Variants in ADAM7 observed in about 807,000 individuals in gnomAD.
The protein encoded by ADAM7 is disintegrin and metalloproteinase domain-containing protein 7.
In ADAM7, 97 loss-of-function variants were observed where a neutral mutation model predicts 102.9. The observed-to-expected ratio is 0.94, with a 90% CI of 0.80 to 1.12. The LOEUF (loss-of-function observed/expected upper bound fraction) is 1.12. Among genes scored for constraint, ADAM7 ranks in the 50% most tolerant of loss-of-function variants. The pLI is 0.00. For synonymous variants in ADAM7, 334 were observed against 304.4 expected (o/e 1.10, Z -1.01); for missense variants, 991 against 908.7 (o/e 1.09, Z -1.16).
intron 9 of ADAM7, 140 bp from the exon 10 acceptor site, chr8:24,485,132 TCAGCC>T (rs1820093790): frequency 1.4e-6 from 1 of 712,288 alleles, no homozygotes; most frequent in African/African-American, 1.8e-5. Flanking sequence ...TCAACTAAGG[TCAGCC>T]TCAATTCCAA....
At chr8:24,495,480 C>A (rs192542461) in intron 16 of ADAM7, among the ~76,000 whole-genome samples, 1 of 151,174 alleles carries the variant, frequency 6.6e-6, no homozygotes, top group South Asian at 2.1e-4. Flanking sequence ...AATTTTAGAA[C>A]GGAAAAATTA....
chr8:24,501,598 C>T, intron 20 of ADAM7, 22 bp downstream of exon 20: 1 of 1,534,490 alleles, frequency 6.5e-7, no homozygotes, highest in Non-Finnish European at 8.8e-7. Flanking sequence ...CCATTTGCAA[C>T]AGTTAATTTA....
At chr8:24,448,922 G>C (rs952199652) in intron 3 of ADAM7, among the ~76,000 whole-genome samples, 1 of 152,000 alleles carries the variant, frequency 6.6e-6, no homozygotes, top group Non-Finnish European at 1.5e-5. Context: ...TTGTTCTTGC[G>C]ATAGTTTACT....
chr8:24,472,572 T>G (rs745742805), intron 7 of ADAM7, among the ~76,000 whole-genome samples: 42 of 151,976 alleles, frequency 2.8e-4, no homozygotes, highest in Non-Finnish European at 4.9e-4. Flanking sequence ...TAAAAAATAG[T>G]AAAGTAAAAT....
chr8:24,447,937 A>AACACACACACACAC (rs55836403), intron 3 of ADAM7, among the ~76,000 whole-genome samples: 2 of 140,590 alleles, frequency 1.4e-5, no homozygotes, highest in Non-Finnish European at 3.1e-5. Flanking sequence ...TAAATAACAA[A>AACACACACACACAC]ACACACACAC....
At chr8:24,484,168 G>A (rs919606694) in intron 9 of ADAM7, among the ~76,000 whole-genome samples, 1 of 152,128 alleles carries the variant, frequency 6.6e-6, no homozygotes, top group Non-Finnish European at 1.5e-5. Flanking sequence ...AAAAAGACCA[G>A]AATTCTGTCT....
chr8:24,471,030 G>A (rs1003443321), intron 7 of ADAM7, among the ~76,000 whole-genome samples: 1 of 151,962 alleles, frequency 6.6e-6, no homozygotes, highest in African/African-American at 2.4e-5. Context: ...TGATGGTCCT[G>A]ATTTTGTGTA....
chr8:24,486,753 C>T (rs1207323817), intron 10 of ADAM7, among the ~76,000 whole-genome samples: 2 of 152,118 alleles, frequency 1.3e-5, no homozygotes, highest in African/African-American at 2.4e-5. Flanking sequence ...ATTAATCCCA[C>T]TTATGAGGGC....
intron 3 of ADAM7, among the ~76,000 whole-genome samples, chr8:24,454,834 ATACT>A (rs1026475978): frequency 2.6e-5 from 4 of 152,130 alleles, no homozygotes; most frequent in African/African-American, 9.7e-5. Flanking sequence ...ATAATAATAA[ATACT>A]TATTTTATAA....
At chr8:24,490,954 A>G (rs1371165988) in intron 13 of ADAM7, 66 bp downstream of exon 13, 20 of 1,521,234 alleles carry the variant, frequency 1.3e-5, no homozygotes, top group Non-Finnish European at 1.8e-5. Context: ...TCCAAGAGTT[A>G]TCTAACCACT....
intron 20 of ADAM7, among the ~76,000 whole-genome samples, chr8:24,504,073 A>T (rs961022592): frequency 6.6e-6 from 1 of 151,560 alleles, no homozygotes; most frequent in South Asian, 2.1e-4. Flanking sequence ...TAAATAAAAT[A>T]AAAAAACTGA....
chr8:24,501,420 A>G (rs1223328495), intron 19 of ADAM7, 57 bp from the exon 20 acceptor site: 19 of 1,294,172 alleles, frequency 1.5e-5, no homozygotes, highest in Non-Finnish European at 2.1e-5. Flanking sequence ...TGAAGAAATA[A>G]ATAACCTGAA....
At position 24,501,506 on chromosome 8, in the gene ADAM7, A is replaced by G. The variant is rs753405856; in HGVS notation, c.2138A>G (p.Asn713Ser). 6.2e-7 allele frequency: 1 copy of G among 1,608,548 alleles called. No homozygotes were observed. Among genetic ancestry groups the G allele is most frequent in the South Asian group, 1.1e-5 (1 of 89,756 alleles). The change falls in exon 20 of 22, where the codon AAC becomes AGC. Residue 713 changes from asparagine (N) to serine (S), a missense_variant. Asn to Ser is a conservative substitution (Grantham distance 46). Transcript: ENST00000175238. The part of the protein sequence containing the change: ...SPPTETLGVE[N>S]KGYFGDEQQI... ...CCTACAGAAACCCTGGGAGTGGAGAACAAAGGATACTTTGGTGATGAGCAG... is the reference window on the plus strand; with the variant it reads ...CCTACAGAAACCCTGGGAGTGGAGAGCAAAGGATACTTTGGTGATGAGCAG...
intron 3 of ADAM7, among the ~76,000 whole-genome samples, chr8:24,450,866 T>C (rs1818757332): frequency 6.6e-6 from 1 of 152,338 alleles, no homozygotes; most frequent in Middle Eastern, 3.4e-3. Context: ...TGAAGGGTTG[T>C]TGAATTTTGT....
chr8:24,495,969 AT>A (rs1361059015), intron 16 of ADAM7, among the ~76,000 whole-genome samples: 1 of 152,242 alleles, frequency 6.6e-6, no homozygotes, highest in Non-Finnish European at 1.5e-5. Flanking sequence ...AATGGGGAAA[AT>A]GTCTCCAGAG....
At position 24,504,059 on chromosome 8, in the gene ADAM7, AAAAT is replaced by A. The variant is rs1293481995; in HGVS notation, c.2208+2491_2208+2494del. Among the ~76,000 whole-genome samples the A allele has an allele frequency of 1.7e-3, 258 of 147,840 alleles. 1 individual carries two copies. Among genetic ancestry groups the A allele is most frequent in the African/African-American group, 6.3e-3 (247 of 39,326 alleles). On this transcript the variant is annotated intron_variant, in intron 20 of 21. Coordinates refer to ENST00000175238, the MANE Select transcript of ADAM7 (RefSeq NM_003817.4). ...AAAATAAAATAAAATAAAATAAAAT[AAAAT>A]AAATAAAATAAAAAAACTGAGTGGC... is the stretch of plus-strand genomic sequence containing the variant.
Position 24,487,176 on chromosome 8 carries a change from T to C in ADAM7, c.961-11T>C. ...TTTTGAAAATTTCTAATGCAATTGT[T>C]TTATCATCAGGATCTTTTACCTGAC... On this transcript the variant is annotated splice_polypyrimidine_tract_variant and intron_variant, in intron 10 of 21. Coordinates refer to ENST00000175238, the MANE Select transcript of ADAM7 (RefSeq NM_003817.4). 1 of 1,612,644 alleles carries C rather than the reference T, an allele frequency of 6.2e-7. No homozygotes were observed. The highest frequency in any genetic ancestry group is 8.5e-7 in the Non-Finnish European group (1 of 1,179,236).
chr8:24,463,762 C>A, intron 3 of ADAM7, 120 bp from the exon 4 acceptor site: 2 of 733,112 alleles, frequency 2.7e-6, no homozygotes, highest in Non-Finnish European at 4.4e-6. Context: ...CTATTTCTAG[C>A]GGAAGAGGAT....
intron 3 of ADAM7, among the ~76,000 whole-genome samples, chr8:24,453,573 T>A (rs1008431194): frequency 1.8e-4 from 27 of 152,222 alleles, no homozygotes; most frequent in African/African-American, 6.5e-4. Flanking sequence ...TCAAAGTTTT[T>A]AACTTCTTTG....
Sources: gnomAD v4.1 joint callset for allele counts (sites outside exome capture counted in the v4.1 genomes callset) on GRCh38, gnomAD v4.1.1 for gene constraint, MANE v1.5 for transcripts, NCBI Gene and HGNC (gene_info 2026-07-23, HGNC 2026-07-21) for gene names.